FAM227A: variants seen among roughly 807,000 people sequenced by gnomAD.
The protein encoded by FAM227A is family with sequence similarity 227 member A.
Under a neutral mutation model 74.7 loss-of-function variants are expected in FAM227A, and 80 were observed. The ratio of observed to expected loss-of-function variants is 1.07; its 90% confidence interval spans 0.89 to 1.29. The LOEUF (loss-of-function observed/expected upper bound fraction) is 1.29, where lower values mean the gene tolerates loss of function less well. FAM227A is among the 50% of genes most tolerant of loss of function. FAM227A has a pLI of 0.00. For synonymous variants in FAM227A, 237 were observed against 241.8 expected (o/e 0.98, Z 0.19); for missense variants, 654 against 683.4 (o/e 0.96, Z 0.48).
chr22:38,653,377 CTTTTT>C (rs34626242), intron 1 of FAM227A, among the ~76,000 whole-genome samples: 1 of 137,680 alleles, frequency 7.3e-6, no homozygotes, highest in Non-Finnish European at 1.6e-5. Context: ...GAATGTAATG[CTTTTT>C]TTTTTTTTTT....
intron 2 of FAM227A, among the ~76,000 whole-genome samples, chr22:38,647,428 C>T (rs1203432638): frequency 5.9e-5 from 9 of 151,940 alleles, no homozygotes; most frequent in Admixed American, 3.9e-4. Context: ...TGCGCCACTG[C>T]ACTCCAGCCT....
At chr22:38,649,736 C>T (rs1345808850) in intron 2 of FAM227A, among the ~76,000 whole-genome samples, 1 of 151,650 alleles carries the variant, frequency 6.6e-6, no homozygotes, top group Non-Finnish European at 1.5e-5. Context: ...GGTGTGGTGG[C>T]AGGCACCTGT....
intron 8 of FAM227A, among the ~76,000 whole-genome samples, chr22:38,627,558 ACT>A (rs1234854942): frequency 2.0e-5 from 3 of 150,526 alleles, no homozygotes; most frequent in African/African-American, 7.3e-5. Flanking sequence ...ACAGAGTGAG[ACT>A]CTGTCTCAAA....
Position 38,585,754 on chromosome 22 carries a change from C to T in FAM227A, c.*371G>A. 1 of 331,638 alleles carries T rather than the reference C, an allele frequency of 3.0e-6. No individual in the cohort carries two copies. Among genetic ancestry groups the T allele is most frequent in the Non-Finnish European group, 5.6e-6 (1 of 178,666 alleles). The allele number at this position is 331,638 out of a possible 1,614,324, so 20.5% of individuals were successfully genotyped here. A position where few individuals can be genotyped will look rare whatever the true frequency, so the allele number is the denominator to read the frequency against. On this transcript the variant is annotated 3_prime_UTR_variant, in exon 17 of 17. Transcript: ENST00000535113. The stretch of plus-strand genomic sequence containing the variant: ...ATTACCCAGTGTCTACAGCAGAGAA[C>T]TTCGGAAACCTTTCTAAACCTGGGC...
intron 11 of FAM227A, chr22:38,618,320 G>A (rs2091619496): frequency 1.3e-5 from 2 of 152,190 alleles, no homozygotes; most frequent in South Asian, 4.1e-4. Context: ...CACTGGAGAT[G>A]GCACCCCTTG....
chr22:38,653,836 G>A (rs1050928051), intron 1 of FAM227A: 3 of 152,180 alleles, frequency 2.0e-5, no homozygotes, highest in African/African-American at 2.4e-5. Flanking sequence ...GCTCATACTC[G>A]GGACAGGAAA....
chr22:38,645,515 C>A (rs2092218438), intron 3 of FAM227A, 48 bp downstream of exon 3: 6 of 1,303,950 alleles, frequency 4.6e-6, no homozygotes, highest in Non-Finnish European at 6.5e-6. Flanking sequence ...ATCCCCGGGG[C>A]CCTTCCCTGT....
At chr22:38,652,714 G>A (rs1603096131) in intron 1 of FAM227A, among the ~76,000 whole-genome samples, 1 of 148,338 alleles carries the variant, frequency 6.7e-6, no homozygotes, top group Non-Finnish European at 1.5e-5. Flanking sequence ...GTGAAACTCC[G>A]TCTCTACTAA....
At chr22:38,648,296 C>T (rs1384521326) in intron 2 of FAM227A, among the ~76,000 whole-genome samples, 8 of 130,378 alleles carry the variant, frequency 6.1e-5, no homozygotes, top group Non-Finnish European at 1.6e-5. Flanking sequence ...GAGGCAAGGT[C>T]AACTTGATTA....
At chr22:38,606,378 A>G (rs1302934035) in intron 12 of FAM227A, among the ~76,000 whole-genome samples, 1 of 152,172 alleles carries the variant, frequency 6.6e-6, no homozygotes, top group Non-Finnish European at 1.5e-5. Flanking sequence ...TATGTTACTC[A>G]GGCTGGTCTT....
chr22:38,614,546 A>G (rs1028695603), intron 11 of FAM227A, among the ~76,000 whole-genome samples: 2 of 152,172 alleles, frequency 1.3e-5, no homozygotes, highest in African/African-American at 4.8e-5. Context: ...TGAAATGCAT[A>G]TTTTGAACAC....
At chr22:38,643,077 G>A (rs2092149780) in intron 3 of FAM227A, among the ~76,000 whole-genome samples, 2 of 152,146 alleles carry the variant, frequency 1.3e-5, no homozygotes, top group African/African-American at 4.8e-5. Flanking sequence ...CACTTTGGGA[G>A]GCCGAGGCGG....
In FAM227A at chr22:38,645,556, A is replaced by G; in HGVS notation, c.225+7T>C. 1 of 1,548,854 alleles carries G rather than the reference A, an allele frequency of 6.5e-7. No individual in the cohort carries two copies. The highest frequency in any genetic ancestry group is 8.7e-7 in the Non-Finnish European group (1 of 1,144,530). On this transcript the variant is annotated splice_region_variant and intron_variant, in intron 3 of 16. Coordinates refer to ENST00000535113, the MANE Select transcript of FAM227A (RefSeq NM_001013647.2). ...GCTTTGTCTCAGCTCCAGCATAGGT[A>G]ACTCACCAGGCTGTTGGCCGACGGC...
chr22:38,607,522 G>A (rs1431578335), intron 11 of FAM227A, 46 bp from the exon 12 acceptor site: 2 of 1,301,248 alleles, frequency 1.5e-6, no homozygotes, highest in Non-Finnish European at 2.2e-6. Context: ...GCGAGAGAGA[G>A]AGAACAAAAT....
Position 38,600,888 on chromosome 22 carries a change from G to T in FAM227A, c.1222-967C>A, listed in dbSNP as rs2091160975. On this transcript the variant is annotated intron_variant, in intron 13 of 16. Transcript: ENST00000535113. ...AATCACTTGAATCTGGGAGGCGGAG[G>T]TTGCAGTGAGCCGAGATTGCACCAT... 2.0e-5 allele frequency among the ~76,000 whole-genome samples: 3 copies of T among 151,008 alleles called. No individual in the cohort carries two copies. The South Asian group carries it at 6.3e-4, about 32-fold the overall frequency.
At chr22:38,632,575 TAGC>T (rs1342519685) in intron 6 of FAM227A, among the ~76,000 whole-genome samples, 2 of 152,138 alleles carry the variant, frequency 1.3e-5, no homozygotes, top group African/African-American at 4.8e-5. Context: ...TATTCTGTGA[TAGC>T]AGCACAAAGA....
rs1474351719 is a variant in FAM227A at position 38,638,835 on chromosome 22, G to A, written c.296-13C>T. ...CTTTGTCTCTTGACTGCAGAAAAAT[G>A]GAGAAAGAGATAAATGAGTAACCAC... On this transcript the variant is annotated splice_polypyrimidine_tract_variant and intron_variant, in intron 4 of 16. Coordinates refer to ENST00000535113, the MANE Select transcript of FAM227A (RefSeq NM_001013647.2). 2.6e-6 allele frequency: 4 copies of A among 1,515,776 alleles called. No homozygotes were observed. The highest frequency in any genetic ancestry group is 3.5e-6 in the Non-Finnish European group (4 of 1,127,694). 93.9% of individuals were successfully genotyped at this position (1,515,776 alleles called of 1,614,324 possible). A position where few individuals can be genotyped will look rare whatever the true frequency, so the allele number is the denominator to read the frequency against.
intron 11 of FAM227A, among the ~76,000 whole-genome samples, chr22:38,614,250 G>T (rs1367867020): frequency 6.6e-6 from 1 of 151,996 alleles, no homozygotes; most frequent in East Asian, 1.9e-4. Flanking sequence ...CATCTCCCTG[G>T]TTTTCTCTCT....
chr22:38,629,640 G>A (rs776279020), intron 6 of FAM227A, among the ~76,000 whole-genome samples: 52 of 152,342 alleles, frequency 3.4e-4, no homozygotes, highest in South Asian at 8.3e-4. Flanking sequence ...AGTAGCCTGG[G>A]CCCAGACTCA....
Sources: gnomAD v4.1 joint callset for allele counts (sites outside exome capture counted in the v4.1 genomes callset) on GRCh38, gnomAD v4.1.1 for gene constraint, MANE v1.5 for transcripts, NCBI Gene and HGNC (gene_info 2026-07-23, HGNC 2026-07-21) for gene names.